DOCK10: variants seen among roughly 807,000 people sequenced by gnomAD.
DOCK10 encodes the protein dedicator of cytokinesis protein 10.
DOCK10 carries 145 observed loss-of-function variants against 280.1 expected under a neutral mutation model. The ratio of observed to expected loss-of-function variants is 0.52; its 90% CI spans 0.45 to 0.59. DOCK10 has a LOEUF of 0.59. Ranked by LOEUF, DOCK10 falls within the 20% of genes least tolerant of loss-of-function variation. The pLI is 0.00. For synonymous variants in DOCK10, 915 were observed against 942.2 expected (o/e 0.97, Z 0.53); for missense variants, 2,368 against 2,651.7 (o/e 0.89, Z 2.35).
intron 1 of DOCK10, among the ~76,000 whole-genome samples, chr2:224,997,988 T>C (rs1312200100): frequency 6.6e-6 from 1 of 152,042 alleles, no homozygotes; most frequent in African/African-American, 2.4e-5. Context: ...CAAACAAAGA[T>C]GTGTCGCTCC....
At chr2:225,002,870 C>T (rs1421652267) in intron 1 of DOCK10, among the ~76,000 whole-genome samples, 6 of 152,018 alleles carry the variant, frequency 3.9e-5, no homozygotes, top group Admixed American at 3.3e-4. Context: ...GGTGGCATCT[C>T]GTCACCCACA....
chr2:224,824,429 CTTTTTT>C (rs869275800), intron 27 of DOCK10, among the ~76,000 whole-genome samples: 3 of 63,602 alleles, frequency 4.7e-5, no homozygotes, highest in African/African-American at 7.3e-5. Flanking sequence ...TCAGACTCTG[CTTTTTT>C]TTTTTTTTTT....
chr2:224,983,827 A>G (rs567743757), intron 1 of DOCK10: 1 of 471,032 alleles, frequency 2.1e-6, no homozygotes, highest in African/African-American at 2.0e-5. Context: ...AAAAAGAAGA[A>G]AAAAAATGCT....
At chr2:224,883,161 T>C (rs891980328) in intron 7 of DOCK10, among the ~76,000 whole-genome samples, 2 of 151,984 alleles carry the variant, frequency 1.3e-5, no homozygotes, top group African/African-American at 2.4e-5. Flanking sequence ...GCTGAAAGAG[T>C]TCATCATTGT....
chr2:224,825,323 T>G (rs781724422), intron 27 of DOCK10, among the ~76,000 whole-genome samples: 3 of 152,172 alleles, frequency 2.0e-5, no homozygotes, highest in Non-Finnish European at 2.9e-5. Flanking sequence ...CATCACTGCA[T>G]GGATATTTTT....
chr2:224,886,261 A>C, intron 5 of DOCK10, 76 bp from the exon 6 acceptor site: 1 of 1,578,298 alleles, frequency 6.3e-7, no homozygotes, highest in Non-Finnish European at 8.6e-7. Flanking sequence ...TAAAAAAGAG[A>C]CTCCTCTTCC....
chr2:224,773,255 TCTCGTCAATTGC>T lies in DOCK10; in HGVS notation c.6094_6105del (p.Ala2032_Glu2035del). 6.2e-7 allele frequency: 1 copy of T among 1,614,028 alleles called. No homozygotes were observed. Among genetic ancestry groups the T allele is most frequent in the Non-Finnish European group, 8.5e-7 (1 of 1,179,884 alleles). ...TTAAGCTCAGAAACCTTCTTGGACA[TCTCGTCAATTGC>T]CACTTCAATTGGATTCAGTTCTGTG... On this transcript the variant is annotated inframe_deletion, in exon 53 of 56. Transcript: ENST00000258390.
intron 4 of DOCK10, among the ~76,000 whole-genome samples, chr2:224,888,665 GTA>G (rs1386420507): frequency 3.3e-5 from 5 of 151,848 alleles, no homozygotes; most frequent in Non-Finnish European, 5.9e-5. Context: ...GTGTGTGCAT[GTA>G]TATATGTGTG....
chr2:224,804,665 T>C, intron 38 of DOCK10, 129 bp downstream of exon 38: 1 of 661,972 alleles, frequency 1.5e-6, no homozygotes, highest in Non-Finnish European at 2.5e-6. Flanking sequence ...TAATGTGACG[T>C]CAACCTAACA....
chr2:225,022,138 C>T (rs888653176), intron 1 of DOCK10, among the ~76,000 whole-genome samples: 1 of 152,200 alleles, frequency 6.6e-6, no homozygotes, highest in African/African-American at 2.4e-5. Context: ...CATACATACA[C>T]ACACAAACAC....
At chr2:224,952,008 T>C (rs190002283) in intron 1 of DOCK10, among the ~76,000 whole-genome samples, 1 of 152,330 alleles carries the variant, frequency 6.6e-6, no homozygotes, top group Non-Finnish European at 1.5e-5. Context: ...CTTCCTAACA[T>C]ATCTCTTCTT....
At chr2:224,894,430 G>A (rs370734691) in intron 4 of DOCK10, among the ~76,000 whole-genome samples, 16 of 152,262 alleles carry the variant, frequency 1.1e-4, no homozygotes, top group African/African-American at 3.9e-4. Context: ...GGCTAAATAC[G>A]GCTGTCTCCA....
intron 3 of DOCK10, among the ~76,000 whole-genome samples, chr2:224,896,586 G>A (rs1016275815): frequency 2.0e-5 from 3 of 152,050 alleles, no homozygotes; most frequent in Non-Finnish European, 4.4e-5. Flanking sequence ...GCCTGGTGGC[G>A]GGTGCCTGTA....
At chr2:224,778,477 C>A in intron 50 of DOCK10, 193 bp from the exon 51 acceptor site, 1 of 641,296 alleles carries the variant, frequency 1.6e-6, no homozygotes, top group Non-Finnish European at 2.8e-6. Flanking sequence ...TATAATCAGA[C>A]ATTAATGTAA....
At chr2:224,808,942 G>A (rs1314864327) in intron 31 of DOCK10, among the ~76,000 whole-genome samples, 1 of 152,146 alleles carries the variant, frequency 6.6e-6, no homozygotes, top group Non-Finnish European at 1.5e-5. Flanking sequence ...CAGAAACTGA[G>A]TGACAAGAGT....
intron 1 of DOCK10, among the ~76,000 whole-genome samples, chr2:224,934,479 A>G (rs1702570972): frequency 6.6e-6 from 1 of 152,242 alleles, no homozygotes; most frequent in Non-Finnish European, 1.5e-5. Flanking sequence ...TAGCAATGAT[A>G]TATTCCATAG....
At chr2:224,774,447 C>G (rs531526830) in intron 52 of DOCK10, among the ~76,000 whole-genome samples, 1 of 152,344 alleles carries the variant, frequency 6.6e-6, no homozygotes, top group African/African-American at 2.4e-5. Flanking sequence ...ATGACTAGCT[C>G]ACAGCATAGA....
Position 224,957,282 on chromosome 2 carries a change from T to TCCCC in DOCK10, c.124-25615_124-25614insGGGG, listed in dbSNP as rs1282480557. Among the ~76,000 whole-genome samples the TCCCC allele has an allele frequency of 1.3e-3, 110 of 86,104 alleles. 1 individual carries two copies. Among genetic ancestry groups the TCCCC allele is most frequent in the Non-Finnish European group, 2.0e-3 (77 of 38,310 alleles). 56.5% of individuals were successfully genotyped at this position (86,104 alleles called of 152,430 possible). On this transcript the variant is annotated intron_variant, in intron 1 of 55. Transcript: ENST00000258390. ...TAAATCTAGTATTTAGTTTTTACTT[T>TCCCC]CCGCCCCCCCCCGGCTTTGTTTTTC...
chr2:224,990,524 G>A (rs538441417), intron 1 of DOCK10, among the ~76,000 whole-genome samples: 1 of 151,852 alleles, frequency 6.6e-6, no homozygotes, highest in South Asian at 2.1e-4. Flanking sequence ...ATTATTACTG[G>A]AAAAGAGAAA....
Sources: allele counts gnomAD v4.1 joint callset (sites outside exome capture counted in the v4.1 genomes callset), GRCh38; gene constraint gnomAD v4.1.1; transcripts MANE v1.5; gene names NCBI Gene and HGNC (gene_info 2026-07-23, HGNC 2026-07-21).